The following ADGRL3 variants were observed in gnomAD, a reference collection of about 807,000 sequenced individuals.
The protein encoded by ADGRL3 is adhesion G protein-coupled receptor L3, also known as calcium-independent alpha-latrotoxin receptor 3.
A neutral mutation model predicts 153.5 loss-of-function variants in ADGRL3; 62 were observed. The ratio of observed to expected loss-of-function variants is 0.40; its 90% CI spans 0.33 to 0.50. ADGRL3 has a LOEUF of 0.50. Among genes scored for constraint, ADGRL3 ranks in the 20% least tolerant of loss-of-function variants. The probability of loss-of-function intolerance (pLI) is 0.47; values close to 1 mark genes in which losing one functional copy is unlikely to be tolerated. For missense variants in ADGRL3, 1,641 were observed against 1,859.4 expected (o/e 0.88, Z 2.16); for synonymous variants, 710 against 672.5 (o/e 1.06, Z -0.86).
intron 8 of ADGRL3, among the ~76,000 whole-genome samples, chr4:61,793,813 A>C (rs1336071577): frequency 2.0e-5 from 3 of 152,178 alleles, no homozygotes; most frequent in Non-Finnish European, 4.4e-5. Context: ...ACTTACCTTG[A>C]GAAATATGAC....
intron 6 of ADGRL3, among the ~76,000 whole-genome samples, chr4:61,692,132 A>C (rs368984763): frequency 3.0e-4 from 45 of 152,350 alleles, no homozygotes; most frequent in African/African-American, 1.1e-3. Flanking sequence ...CTAATAGTAG[A>C]TGCTGTTCAT....
intron 17 of ADGRL3, among the ~76,000 whole-genome samples, chr4:61,977,732 TA>T (rs547555029): frequency 2.8e-4 from 43 of 152,220 alleles, no homozygotes; most frequent in African/African-American, 1.0e-3. Flanking sequence ...AGGATGAAGT[TA>T]AAAAAATGAA....
intron 4 of ADGRL3, among the ~76,000 whole-genome samples, chr4:61,580,632 G>A (rs2098920683): frequency 6.6e-6 from 1 of 151,942 alleles, no homozygotes; most frequent in Non-Finnish European, 1.5e-5. Flanking sequence ...TATAGCCCCG[G>A]GGTTTCTCAT....
intron 1 of ADGRL3, among the ~76,000 whole-genome samples, chr4:61,292,083 T>C (rs2094241441): frequency 6.6e-6 from 1 of 151,630 alleles, no homozygotes; most frequent in South Asian, 2.1e-4. Context: ...TACTGCTCAT[T>C]GATGGTATAA....
chr4:61,405,248 A>G (rs982757248), intron 2 of ADGRL3, among the ~76,000 whole-genome samples: 1 of 152,022 alleles, frequency 6.6e-6, no homozygotes, highest in African/African-American at 2.4e-5. Flanking sequence ...TCCAGTAGGA[A>G]AGGAAACATG....
intron 11 of ADGRL3, among the ~76,000 whole-genome samples, chr4:61,898,822 G>T (rs1376639525): frequency 6.6e-6 from 1 of 151,982 alleles, no homozygotes; most frequent in Non-Finnish European, 1.5e-5. Context: ...TCACCATGTT[G>T]CCCAGGCGGG....
At chr4:61,275,550 CAG>C (rs1248173662) in intron 1 of ADGRL3, among the ~76,000 whole-genome samples, 34 of 152,198 alleles carry the variant, frequency 2.2e-4, no homozygotes, top group Non-Finnish European at 4.6e-4. Flanking sequence ...CCAGAAATCT[CAG>C]AGTGTCCTGC....
chr4:61,521,250 A>G (rs1268678324), intron 4 of ADGRL3, among the ~76,000 whole-genome samples: 1 of 152,158 alleles, frequency 6.6e-6, no homozygotes, highest in Non-Finnish European at 1.5e-5. Flanking sequence ...TGCCAAGCAC[A>G]GAAATGGAAG....
chr4:61,461,437 G>A (rs2097816860), intron 2 of ADGRL3, among the ~76,000 whole-genome samples: 1 of 151,930 alleles, frequency 6.6e-6, no homozygotes, highest in African/African-American at 2.4e-5. Flanking sequence ...TAAATACTCT[G>A]ATTTGATTAT....
intron 11 of ADGRL3, among the ~76,000 whole-genome samples, chr4:61,899,441 T>C (rs986796171): frequency 2.0e-5 from 3 of 152,090 alleles, no homozygotes; most frequent in African/African-American, 4.8e-5. Flanking sequence ...CTGCTGCCAG[T>C]ATAGTTTTGT....
At chr4:61,241,476 C>G (rs1277882649) in intron 1 of ADGRL3, among the ~76,000 whole-genome samples, 1 of 151,972 alleles carries the variant, frequency 6.6e-6, no homozygotes, top group Non-Finnish European at 1.5e-5. Flanking sequence ...CTGGACTAAT[C>G]TACAAATGGC....
At chr4:61,995,188 G>T (rs1207327125) in intron 19 of ADGRL3, among the ~76,000 whole-genome samples, 1 of 150,232 alleles carries the variant, frequency 6.7e-6, no homozygotes, top group African/African-American at 2.4e-5. Flanking sequence ...ACAGATGTGA[G>T]ACACCACACC....
At chr4:62,030,330 A>C (rs911958067) in intron 22 of ADGRL3, among the ~76,000 whole-genome samples, 2 of 151,536 alleles carry the variant, frequency 1.3e-5, no homozygotes, top group Admixed American at 1.3e-4. Context: ...GGAGGATAAT[A>C]ATCTGCTGGA....
intron 3 of ADGRL3, among the ~76,000 whole-genome samples, chr4:61,509,124 C>CTT (rs57550950): frequency 0.57 from 67,213 of 118,354 alleles, 19,861 homozygotes; most frequent in East Asian, 0.84. Context: ...CATATCACAT[C>CTT]TTTTTTTTTT....
At chr4:61,270,204 T>C (rs2093086219) in intron 1 of ADGRL3, among the ~76,000 whole-genome samples, 1 of 151,674 alleles carries the variant, frequency 6.6e-6, no homozygotes, top group Non-Finnish European at 1.5e-5. Context: ...AAAGGTTAAA[T>C]GTCAGAGGCC....
chr4:61,419,274 T>G (rs902693238), intron 2 of ADGRL3, among the ~76,000 whole-genome samples: 2 of 150,846 alleles, frequency 1.3e-5, no homozygotes, highest in Non-Finnish European at 2.9e-5. Context: ...CATCACCAAT[T>G]TCTAAATAAA....
intron 5 of ADGRL3, among the ~76,000 whole-genome samples, chr4:61,622,272 C>T (rs1187004310): frequency 2.0e-5 from 3 of 151,772 alleles, no homozygotes; most frequent in African/African-American, 7.3e-5. Context: ...GCAGACTATT[C>T]TATTAAAAAA....
intron 8 of ADGRL3, among the ~76,000 whole-genome samples, chr4:61,786,175 C>A (rs913330292): frequency 6.6e-6 from 1 of 152,172 alleles, no homozygotes; most frequent in African/African-American, 2.4e-5. Flanking sequence ...TAATAGAAAG[C>A]CATTCAATGT....
At chr4:61,502,704 T>C (rs578156014) in intron 3 of ADGRL3, among the ~76,000 whole-genome samples, 5 of 152,250 alleles carry the variant, frequency 3.3e-5, no homozygotes, top group Non-Finnish European at 5.9e-5. Context: ...ATGTCAATGA[T>C]TTAAGATAAT....
Sources: gnomAD v4.1 joint callset for allele counts (sites outside exome capture counted in the v4.1 genomes callset) on GRCh38, gnomAD v4.1.1 for gene constraint, MANE v1.5 for transcripts, NCBI Gene and HGNC (gene_info 2026-07-23, HGNC 2026-07-21) for gene names.